Variants in F2R observed in about 807,000 individuals in gnomAD.
The protein encoded by F2R is proteinase-activated receptor 1.
F2R carries 12 observed loss-of-function variants against 18.3 expected under a neutral mutation model. The observed-to-expected ratio is 0.66, with a 90% confidence interval of 0.42 to 1.06. The LOEUF (loss-of-function observed/expected upper bound fraction) is 1.06. F2R is among the 50% of genes least tolerant of loss of function. F2R has a pLI of 0.00. For synonymous variants in F2R, 210 were observed against 219.9 expected (o/e 0.95, Z 0.40); for missense variants, 438 against 530.8 (o/e 0.83, Z 1.72).
chr5:76,728,082 T>A (rs541173386), intron 1 of F2R, among the ~76,000 whole-genome samples: 7 of 151,908 alleles, frequency 4.6e-5, no homozygotes, highest in Admixed American at 4.6e-4. Context: ...TGACAAAAAA[T>A]TATATATATT....
At chr5:76,730,477 T>C (rs559559736) in intron 1 of F2R, among the ~76,000 whole-genome samples, 1 of 152,246 alleles carries the variant, frequency 6.6e-6, no homozygotes, top group African/African-American at 2.4e-5. Context: ...AACCAAACTA[T>C]TTTCCCCAAA....
At chr5:76,731,066 T>C (rs1022686978) in intron 1 of F2R, among the ~76,000 whole-genome samples, 46 of 152,168 alleles carry the variant, frequency 3.0e-4, no homozygotes, top group Admixed American at 3.0e-3. Flanking sequence ...CTGGCATGAG[T>C]GGCCAAGAAC....
chr5:76,735,736 A>G lies in F2R; in HGVS notation c.*2233A>G, dbSNP rs981559567. ...TTTTTATGTTCATTCTTAAAAACAT[A>G]ACCTGTATTAATAAATGTGAACATT... On this transcript the variant is annotated 3_prime_UTR_variant, in exon 2 of 2. Transcript: ENST00000319211. The G allele has an allele frequency of 2.0e-5, 3 of 152,350 alleles. No individual in the cohort carries two copies. The highest frequency in any genetic ancestry group is 2.0e-4 in the Admixed American group (3 of 15,300). The allele number at this position is 152,350 out of a possible 1,614,324, so 9.4% of individuals were successfully genotyped here.
chr5:76,717,505 CAT>C (rs1359775529), intron 1 of F2R, among the ~76,000 whole-genome samples: 1 of 152,074 alleles, frequency 6.6e-6, no homozygotes, highest in Non-Finnish European at 1.5e-5. Flanking sequence ...GTGACAAAGA[CAT>C]AGCATGTTCT....
At chr5:76,725,297 T>C (rs1414616247) in intron 1 of F2R, among the ~76,000 whole-genome samples, 6 of 152,214 alleles carry the variant, frequency 3.9e-5, no homozygotes, top group Non-Finnish European at 7.3e-5. Context: ...TTTAATAATT[T>C]GCTGTATTCG....
intron 1 of F2R, among the ~76,000 whole-genome samples, chr5:76,721,214 CTA>C (rs769552910): frequency 2.0e-5 from 3 of 152,196 alleles, no homozygotes; most frequent in Non-Finnish European, 2.9e-5. Context: ...TTATTTTTGA[CTA>C]TGATACTAGT....
intron 1 of F2R, among the ~76,000 whole-genome samples, chr5:76,726,700 CA>C (rs886115667): frequency 3.3e-5 from 5 of 150,208 alleles, no homozygotes; most frequent in African/African-American, 4.9e-5. Flanking sequence ...GACTCCATCT[CA>C]AAAAAAAATT....
chr5:76,729,624 T>TTACAGTTTCAGGTCTTATGTGTAAACCA (rs1748632664), intron 1 of F2R, among the ~76,000 whole-genome samples: 1 of 152,242 alleles, frequency 6.6e-6, no homozygotes, highest in Admixed American at 6.5e-5. Context: ...GCTAGTAGTT[T>TTACAGTTTCAGGTCTTATGTGTAAACCA]TACAGTTTCA....
Position 76,732,546 on chromosome 5 carries a change from TGTGTACACCGGA to T in F2R, c.326_337del (p.Tyr109_Val112del). Reference sequence around the variant, plus strand: ...CCTGGCTGACACTCTTTGTCCCATCTGTGTACACCGGAGTGTTTGTAGTCAGCCTCCCACTAA... The same window carrying T: ...CCTGGCTGACACTCTTTGTCCCATCTGTGTTTGTAGTCAGCCTCCCACTAA... On this transcript the variant is annotated inframe_deletion, in exon 2 of 2. Transcript: ENST00000319211. The T allele has an allele frequency of 6.2e-7, 1 of 1,614,230 alleles. No homozygotes were observed.
At chr5:76,716,446 G>A in intron 1 of F2R, 51 bp downstream of exon 1, 3 of 1,336,320 alleles carry the variant, frequency 2.2e-6, no homozygotes, top group Non-Finnish European at 2.9e-6. Flanking sequence ...GCCGAGGGGA[G>A]ACTGCGGGGG....
chr5:76,733,725 T>A lies in F2R; in HGVS notation c.*222T>A. ...TGTTATTCCAAGGGAATATTGCCAA[T>A]GCTACAGTAATAAATGAATGTCACT... is the stretch of plus-strand genomic sequence containing the variant. On this transcript the variant is annotated 3_prime_UTR_variant, in exon 2 of 2. Transcript: ENST00000319211. 1 of 547,168 alleles carries A rather than the reference T, an allele frequency of 1.8e-6. No homozygotes were observed. Among genetic ancestry groups the A allele is most frequent in the Non-Finnish European group, 3.2e-6 (1 of 308,472 alleles). The allele number at this position is 547,168 out of a possible 1,614,324, so 33.9% of individuals were successfully genotyped here. A position where few individuals can be genotyped will look rare whatever the true frequency, so the allele number is the denominator to read the frequency against.
chr5:76,733,060 T>C lies in F2R; in HGVS notation c.835T>C (p.Phe279Leu), dbSNP rs1736567455. The change falls in exon 2 of 2, where the codon TTT becomes CTT. Residue 279 changes from phenylalanine (F) to leucine (L), a missense_variant. Phe to Leu is a conservative substitution (Grantham distance 22, BLOSUM62 0). Coordinates refer to ENST00000319211, the MANE Select transcript of F2R (RefSeq NM_001992.5). The stretch of plus-strand genomic sequence containing the variant: ...CTTCTCAGCCTTCTCTGCTGTCTTC[T>C]TTTTTGTGCCGCTGATCATTTCCAC... ...YYFSAFSAVF[F>L]FVPLIISTVC... 2 of 1,614,158 alleles carry C rather than the reference T, an allele frequency of 1.2e-6. No homozygotes were observed. The highest frequency in any genetic ancestry group is 1.7e-5 in the Admixed American group (1 of 60,022).
At chr5:76,726,348 G>A (rs1580891885) in intron 1 of F2R, among the ~76,000 whole-genome samples, 2 of 151,984 alleles carry the variant, frequency 1.3e-5, no homozygotes, top group Non-Finnish European at 2.9e-5. Flanking sequence ...TGGCTAACAC[G>A]GTGAAACCCC....
At position 76,732,817 on chromosome 5, in the gene F2R, A is replaced by G. The variant is rs752467852; in HGVS notation, c.592A>G (p.Ile198Val). The change falls in exon 2 of 2, where the codon ATT (isoleucine) becomes GTT (valine). Residue 198 changes from isoleucine (I) to valine (V), a missense_variant. Physicochemically the swap from Ile to Val is conservative, Grantham distance 29. Transcript: ENST00000319211. ...ASILLMTVISIDRFLAVVYPM... is the reference protein window; with the variant it reads ...ASILLMTVISVDRFLAVVYPM... ...TATCTTGCTCATGACAGTCATAAGC[A>G]TTGACCGGTTTCTGGCTGTGGTGTA... The G allele has an allele frequency of 1.4e-4, 219 of 1,614,034 alleles. No individual in the cohort carries two copies. Among genetic ancestry groups the G allele is most frequent in the Non-Finnish European group, 1.7e-4 (202 of 1,180,036 alleles).
chr5:76,725,371 T>C (rs1748536060), intron 1 of F2R, among the ~76,000 whole-genome samples: 1 of 152,136 alleles, frequency 6.6e-6, no homozygotes, highest in South Asian at 2.1e-4. Context: ...GCAAATCGTA[T>C]GAGAACTGAA....
Position 76,735,753 on chromosome 5 carries a change from G to A in F2R, c.*2250G>A, listed in dbSNP as rs1421299823. 1 of 152,160 alleles carries A rather than the reference G, an allele frequency of 6.6e-6. No homozygotes were observed. Among genetic ancestry groups the A allele is most frequent in the Non-Finnish European group, 1.5e-5 (1 of 68,028 alleles). The allele number at this position is 152,160 out of a possible 1,614,324, so 9.4% of individuals were successfully genotyped here. On this transcript the variant is annotated 3_prime_UTR_variant, in exon 2 of 2. Coordinates refer to ENST00000319211, the MANE Select transcript of F2R (RefSeq NM_001992.5). ...AAAAACATAACCTGTATTAATAAAT[G>A]TGAACATTTGCTTGGTATCTCTTTG...
chr5:76,734,831 A>AT lies in F2R; in HGVS notation c.*1334dup, dbSNP rs1748751215. 6.6e-6 allele frequency: 1 copy of AT among 152,362 alleles called. No individual in the cohort carries two copies. Among genetic ancestry groups the AT allele is most frequent in the African/African-American group, 2.4e-5 (1 of 41,460 alleles). 9.4% of individuals were successfully genotyped at this position (152,362 alleles called of 1,614,324 possible). On this transcript the variant is annotated 3_prime_UTR_variant, in exon 2 of 2. Transcript: ENST00000319211. ...GAAAACAATGCAGTACAGGACATATATTTTTTAAAATAAGTCTGATTTAAT... is the reference window on the plus strand; with the variant it reads ...GAAAACAATGCAGTACAGGACATATATTTTTTTAAAATAAGTCTGATTTAAT...
At chr5:76,729,198 A>T (rs1326364339) in intron 1 of F2R, among the ~76,000 whole-genome samples, 1 of 152,188 alleles carries the variant, frequency 6.6e-6, no homozygotes, top group African/African-American at 2.4e-5. Context: ...GATAATATCC[A>T]TTCTAACAGG....
intron 1 of F2R, among the ~76,000 whole-genome samples, chr5:76,720,008 G>A (rs568014546): frequency 1.3e-5 from 2 of 152,302 alleles, no homozygotes; most frequent in East Asian, 1.9e-4. Context: ...TGGTTCTACC[G>A]TAAGCAGACC....
Sources: allele counts gnomAD v4.1 joint callset (sites outside exome capture counted in the v4.1 genomes callset), GRCh38; gene constraint gnomAD v4.1.1; transcripts MANE v1.5; gene names NCBI Gene and HGNC (gene_info 2026-07-23, HGNC 2026-07-21).